The following GALNT10 variants were observed in gnomAD, a reference collection of about 807,000 sequenced individuals.
GALNT10 encodes the protein polypeptide N-acetylgalactosaminyltransferase 10.
Under a neutral mutation model 75.0 loss-of-function variants are expected in GALNT10, and 41 were observed. The ratio of observed to expected loss-of-function variants is 0.55; its 90% CI spans 0.43 to 0.71. The LOEUF (loss-of-function observed/expected upper bound fraction) is 0.71, where lower values mean the gene tolerates loss of function less well. Ranked by LOEUF, GALNT10 falls within the 30% of genes least tolerant of loss-of-function variation. GALNT10 has a pLI of 0.00. For synonymous variants in GALNT10, 302 were observed against 313.0 expected (o/e 0.96, Z 0.37); for missense variants, 727 against 818.5 (o/e 0.89, Z 1.36).
At chr5:154,325,891 A>G (rs1377228620) in intron 3 of GALNT10, among the ~76,000 whole-genome samples, 5 of 152,234 alleles carry the variant, frequency 3.3e-5, no homozygotes, top group Non-Finnish European at 7.3e-5. Flanking sequence ...AGAAAAAGAC[A>G]TAAAAAGTCA....
At chr5:154,286,153 A>G (rs772575329) in intron 1 of GALNT10, among the ~76,000 whole-genome samples, 10 of 152,138 alleles carry the variant, frequency 6.6e-5, no homozygotes, top group Non-Finnish European at 1.0e-4. Flanking sequence ...GTTTCGGATG[A>G]AAGTCTACAT....
intron 1 of GALNT10, among the ~76,000 whole-genome samples, chr5:154,253,830 A>G (rs2113018612): frequency 6.9e-6 from 1 of 144,356 alleles, no homozygotes; most frequent in South Asian, 2.1e-4. Flanking sequence ...CTTTGTCTCC[A>G]TTGTTCCTGT....
intron 7 of GALNT10, chr5:154,386,661 C>T: frequency 3.4e-6 from 2 of 596,420 alleles, no homozygotes; most frequent in South Asian, 2.1e-5. Context: ...TGGTCCTCAC[C>T]ACAGCTCTGA....
At chr5:154,197,255 C>T (rs1386181802) in intron 1 of GALNT10, among the ~76,000 whole-genome samples, 1 of 152,150 alleles carries the variant, frequency 6.6e-6, no homozygotes, top group Non-Finnish European at 1.5e-5. Context: ...CACAGACGTC[C>T]CGAGAACTGT....
intron 1 of GALNT10, among the ~76,000 whole-genome samples, chr5:154,193,832 C>G (rs1774896962): frequency 6.6e-6 from 1 of 152,174 alleles, no homozygotes; most frequent in Non-Finnish European, 1.5e-5. Flanking sequence ...TAACTCATGC[C>G]AGCTCATCCT....
In GALNT10 at chr5:154,303,766, A is replaced by G. The variant is rs1341621701; in HGVS notation, c.401+5687A>G. Among the ~76,000 whole-genome samples the G allele has an allele frequency of 2.0e-5, 3 of 152,370 alleles. No homozygotes were observed. In the East Asian group the frequency reaches 5.8e-4, roughly 29 times the overall value. On this transcript the variant is annotated intron_variant, in intron 3 of 11. Transcript: ENST00000297107. ...CCCAGAACAAAGCTTGATAATACTT[A>G]CATCAATACATAAATATTCACTACT...
intron 3 of GALNT10, among the ~76,000 whole-genome samples, chr5:154,319,335 C>T (rs1278787656): frequency 2.0e-5 from 3 of 152,240 alleles, no homozygotes; most frequent in South Asian, 2.1e-4. Context: ...CACATGTTAG[C>T]GGCAGGACAG....
rs978667474 is a variant in GALNT10, at chr5:154,201,114, C to A, written c.159+10089C>A. Among the ~76,000 whole-genome samples, 5 of 152,248 alleles carry A rather than the reference C, an allele frequency of 3.3e-5. No homozygotes were observed. In the East Asian group the frequency reaches 5.8e-4, roughly 18 times the overall value. ...CCCTAGCTCTCCAGTTGGCCACCAC[C>A]CCTGCTGCACTTAGTGGTCTCAAAC... On this transcript the variant is annotated intron_variant, in intron 1 of 11. Coordinates refer to ENST00000297107, the MANE Select transcript of GALNT10 (RefSeq NM_198321.4).
intron 2 of GALNT10, 49 bp downstream of exon 2, chr5:154,294,967 C>T: frequency 3.5e-6 from 3 of 860,004 alleles, no homozygotes; most frequent in African/African-American, 1.7e-5. Context: ...AGGGCATATG[C>T]ACATATGCTT....
chr5:154,359,307 G>A (rs1341443094), intron 4 of GALNT10, among the ~76,000 whole-genome samples: 1 of 152,092 alleles, frequency 6.6e-6, no homozygotes, highest in African/African-American at 2.4e-5. Context: ...CAGCTGGGCA[G>A]GAGTGTTTGA....
rs1335161429 is a variant in GALNT10 at position 154,376,337 on chromosome 5, G to A, written c.629G>A (p.Arg210Gln). ...MALFPSVRIL[R>Q]TKKREGLIRT... is the part of the protein sequence containing the mutation. ...CTTTTCCCCAGTGTGAGGATTCTTC[G>A]AACCAAGAAACGGGAAGGGCTGATA... The change falls in exon 5 of 12, where the codon CGA becomes CAA. Residue 210 changes from arginine (R) to glutamine (Q), a missense_variant. Coordinates refer to ENST00000297107, the MANE Select transcript of GALNT10 (RefSeq NM_198321.4). This position sits in a 1 kb window ranked among gnomAD's most constrained non-coding sequence, Gnocchi z 4.1. The A allele has an allele frequency of 9.9e-6, 16 of 1,611,862 alleles. No individual in the cohort carries two copies. The highest frequency in any genetic ancestry group is 2.2e-5 in the East Asian group (1 of 44,790).
intron 1 of GALNT10, among the ~76,000 whole-genome samples, chr5:154,244,690 G>A (rs1458177339): frequency 2.0e-5 from 3 of 152,332 alleles, no homozygotes; most frequent in South Asian, 2.1e-4. Context: ...CAGTAAAGGG[G>A]AACAGGTGCT....
chr5:154,387,925 G>A (rs1755832535), intron 7 of GALNT10: 1 of 130,352 alleles, frequency 7.7e-6, no homozygotes, highest in Non-Finnish European at 1.6e-5. Context: ...TTTTTTTTGA[G>A]ATGGAGTTTC....
At chr5:154,223,947 C>T (rs946613837) in intron 1 of GALNT10, among the ~76,000 whole-genome samples, 1 of 150,110 alleles carries the variant, frequency 6.7e-6, no homozygotes, top group African/African-American at 2.4e-5. Flanking sequence ...AACTAAACAA[C>T]AACAGCAGAA....
chr5:154,382,911 A>T (rs1755754456), intron 6 of GALNT10, among the ~76,000 whole-genome samples: 1 of 152,180 alleles, frequency 6.6e-6, no homozygotes, highest in African/African-American at 2.4e-5. Context: ...CCTCATCTGG[A>T]TATTGAAGTG....
rs1401173685 is a variant in GALNT10 at position 154,418,729 on chromosome 5, C to T, written c.*1757C>T. Reference sequence around the variant, plus strand: ...TGTAGCTGGCGAGGAATTACTTCCACTTCTGGCCCAGCACAAGCCCTGCTT... The same window carrying T: ...TGTAGCTGGCGAGGAATTACTTCCATTTCTGGCCCAGCACAAGCCCTGCTT... On this transcript the variant is annotated 3_prime_UTR_variant, in exon 12 of 12. Transcript: ENST00000297107. The T allele has an allele frequency of 6.6e-6, 1 of 152,212 alleles. No individual in the cohort carries two copies. Among genetic ancestry groups the T allele is most frequent in the East Asian group, 1.9e-4 (1 of 5,174 alleles). 9.4% of individuals were successfully genotyped at this position (152,212 alleles called of 1,614,324 possible). A position where few individuals can be genotyped will look rare whatever the true frequency, so the allele number is the denominator to read the frequency against.
intron 4 of GALNT10, among the ~76,000 whole-genome samples, chr5:154,359,131 T>C (rs1755343092): frequency 6.6e-6 from 1 of 151,980 alleles, no homozygotes; most frequent in African/African-American, 2.4e-5. Context: ...TGGAGCGGAG[T>C]GGGGCTTTCT....
intron 4 of GALNT10, among the ~76,000 whole-genome samples, chr5:154,343,517 TTCTC>T (rs1755066855): frequency 6.6e-6 from 1 of 152,158 alleles, no homozygotes; most frequent in African/African-American, 2.4e-5. Context: ...GCTTAGTACT[TTCTC>T]TCTAAATTAC....
chr5:154,323,922 G>A (rs969957366), intron 3 of GALNT10, among the ~76,000 whole-genome samples: 3 of 152,214 alleles, frequency 2.0e-5, no homozygotes, highest in African/African-American at 7.2e-5. Flanking sequence ...CCTGGCCACC[G>A]CCTCTGCCTT....
Sources: gnomAD v4.1 joint callset for allele counts (sites outside exome capture counted in the v4.1 genomes callset) on GRCh38, gnomAD v4.1.1 for gene constraint, Gnocchi (gnomAD v3.1) non-coding constraint, MANE v1.5 for transcripts, NCBI Gene and HGNC (gene_info 2026-07-23, HGNC 2026-07-21) for gene names.